Variants in PDE1C observed in about 807,000 individuals in gnomAD.
PDE1C encodes phosphodiesterase 1C.
A neutral mutation model predicts 93.1 loss-of-function variants in PDE1C; 62 were observed. The ratio of observed to expected loss-of-function variants is 0.67; its 90% CI spans 0.54 to 0.82. PDE1C has a LOEUF of 0.82. Ranked by LOEUF, PDE1C falls within the 40% of genes least tolerant of loss-of-function variation. The pLI is 0.00. For missense variants in PDE1C, 742 were observed against 884.6 expected (o/e 0.84, Z 2.04); for synonymous variants, 325 against 310.1 (o/e 1.05, Z -0.50).
At chr7:31,747,033 C>T (rs1300694658), downstream of PDE1C, among the ~76,000 whole-genome samples, 1 of 152,126 alleles carries the variant, frequency 6.6e-6, no homozygotes, top group African/African-American at 2.4e-5. Context: ...ACAATCAATC[C>T]TGGCCTAAGA....
At chr7:31,802,780 T>C (rs924850967) in intron 16 of PDE1C, among the ~76,000 whole-genome samples, 25 of 151,938 alleles carry the variant, frequency 1.6e-4, no homozygotes, top group Non-Finnish European at 2.4e-4. Flanking sequence ...TCTACTGTCA[T>C]CCTTATGTTT....
intron 2 of PDE1C, among the ~76,000 whole-genome samples, chr7:32,191,395 C>T (rs537198562): frequency 2.0e-5 from 3 of 151,978 alleles, no homozygotes; most frequent in African/African-American, 4.8e-5. Context: ...CACCCTACCC[C>T]CTCTTTTAAC....
intron 15 of PDE1C, among the ~76,000 whole-genome samples, chr7:31,814,750 T>C (rs771785320): frequency 4.4e-4 from 66 of 149,720 alleles, no homozygotes; most frequent in Middle Eastern, 3.4e-3. Flanking sequence ...TCTTCACTGT[T>C]TTTACTATCA....
At chr7:32,082,095 T>G (rs1345804142) in intron 3 of PDE1C, among the ~76,000 whole-genome samples, 1 of 152,164 alleles carries the variant, frequency 6.6e-6, no homozygotes, top group African/African-American at 2.4e-5. Context: ...GGTCAGGGAG[T>G]TCCCTTTCCT....
At chr7:32,367,977 TA>T (rs1211660582) in intron 1 of PDE1C, among the ~76,000 whole-genome samples, 1 of 150,292 alleles carries the variant, frequency 6.7e-6, no homozygotes, top group Non-Finnish European at 1.5e-5. Context: ...CCCTTCATGA[TA>T]AAAAATCCCA....
intron 1 of PDE1C, among the ~76,000 whole-genome samples, chr7:32,255,102 C>G (rs1347960389): frequency 6.6e-6 from 1 of 152,178 alleles, no homozygotes; most frequent in Non-Finnish European, 1.5e-5. Context: ...GGAAATCACC[C>G]ACATTGATAA....
intron 2 of PDE1C, among the ~76,000 whole-genome samples, chr7:32,206,775 C>A (rs1019217993): frequency 1.7e-4 from 26 of 152,254 alleles, no homozygotes; most frequent in African/African-American, 6.3e-4. Context: ...GCTCTCGCCC[C>A]AGGACAGCTG....
intron 2 of PDE1C, among the ~76,000 whole-genome samples, chr7:31,956,437 G>A (rs1584177417): frequency 1.3e-5 from 2 of 151,660 alleles, no homozygotes; most frequent in Admixed American, 1.3e-4. Context: ...CTGTAACAGT[G>A]GGGCAAGCTC....
At chr7:32,166,956 A>C (rs1802320566) in intron 3 of PDE1C, among the ~76,000 whole-genome samples, 1 of 152,184 alleles carries the variant, frequency 6.6e-6, no homozygotes, top group Non-Finnish European at 1.5e-5. Flanking sequence ...AATTTTTTAT[A>C]GGCTTTCTCT....
At chr7:31,863,319 GA>G (rs1277378054) in intron 7 of PDE1C, among the ~76,000 whole-genome samples, 2 of 152,126 alleles carry the variant, frequency 1.3e-5, no homozygotes, top group East Asian at 3.9e-4. Context: ...TATTTTATTT[GA>G]TCTAAAAGGG....
chr7:32,252,818 T>C (rs1168111328), intron 1 of PDE1C, among the ~76,000 whole-genome samples: 1 of 152,216 alleles, frequency 6.6e-6, no homozygotes, highest in East Asian at 1.9e-4. Flanking sequence ...ATACAAAATA[T>C]GAGCCCAAAT....
At position 32,356,731 on chromosome 7, in the gene PDE1C, C is replaced by T. The variant is rs567182624; in HGVS notation, c.310+71091G>A. ...TATGCCATGGTCACCTAATCACCTA[C>T]TTCTGCTATTCCAGCCTTGATTTTT... On this transcript the variant is annotated intron_variant, in intron 1 of 1. Transcript: ENST00000672256. Among the ~76,000 whole-genome samples the T allele has an allele frequency of 2.6e-5, 4 of 152,308 alleles. No individual in the cohort carries two copies. In the South Asian group the frequency reaches 8.3e-4, roughly 32 times the overall value.
intron 1 of PDE1C, among the ~76,000 whole-genome samples, chr7:32,069,229 GC>G (rs1795742197): frequency 6.6e-6 from 1 of 152,166 alleles, no homozygotes; most frequent in African/African-American, 2.4e-5. Flanking sequence ...TGAATATCAA[GC>G]TAACTTAGAT....
intron 2 of PDE1C, among the ~76,000 whole-genome samples, chr7:31,980,910 C>G (rs1284831345): frequency 1.3e-5 from 2 of 152,156 alleles, no homozygotes; most frequent in Non-Finnish European, 2.9e-5. Context: ...ATAAGCAGCC[C>G]TGCGATGATG....
the PDE1C span, chr7:31,652,438 C>A: frequency 3.4e-6 from 5 of 1,492,342 alleles, no homozygotes; most frequent in Admixed American, 1.1e-4. Context: ...CCTCATAATG[C>A]CTAGCTCACA....
rs150578686 is a variant in PDE1C at position 32,019,673 on chromosome 7, G to C, written c.128+31881C>G. ...GCTATTAATGGTGTGGGTGTAGGGA[G>C]GCAGCTAGATTCAAGAACTATTTTA... On this transcript the variant is annotated intron_variant, in intron 2 of 17. Coordinates refer to ENST00000396191, the MANE Select transcript of PDE1C (RefSeq NM_001191057.4). 5.0e-3 allele frequency among the ~76,000 whole-genome samples: 764 copies of C among 152,058 alleles called. 6 individuals are homozygous for C. Among genetic ancestry groups the C allele is most frequent in the African/African-American group, 0.015 (604 of 41,486 alleles).
intron 9 of PDE1C, among the ~76,000 whole-genome samples, chr7:31,841,225 C>CTA (rs1245444243): frequency 4.1e-4 from 37 of 89,642 alleles, no homozygotes; most frequent in African/African-American, 1.7e-3. Context: ...CTCTCTCTCT[C>CTA]TCTATATATA....
chr7:31,754,531 A>G (rs1202044866), intron 17 of PDE1C, among the ~76,000 whole-genome samples: 1 of 152,274 alleles, frequency 6.6e-6, no homozygotes, highest in African/African-American at 2.4e-5. Flanking sequence ...TGATACATTT[A>G]TACAATGGAA....
Position 32,039,464 on chromosome 7 carries a change from A to G in PDE1C, c.128+12090T>C, listed in dbSNP as rs1181028992. 2.6e-5 allele frequency among the ~76,000 whole-genome samples: 4 copies of G among 152,228 alleles called. No individual in the cohort carries two copies. In the East Asian group the frequency reaches 5.8e-4, roughly 22 times the overall value. ...TCTAATGGTGGAACACATCTGAAAG[A>G]TTAAAGAACTGATTGTAGAAAAGTC... On this transcript the variant is annotated intron_variant, in intron 2 of 17. Coordinates refer to ENST00000396191, the MANE Select transcript of PDE1C (RefSeq NM_001191057.4).
Sources: gnomAD v4.1 joint callset for allele counts (sites outside exome capture counted in the v4.1 genomes callset) on GRCh38, gnomAD v4.1.1 for gene constraint, MANE v1.5 for transcripts, NCBI Gene and HGNC (gene_info 2026-07-23, HGNC 2026-07-21) for gene names.